PID1: variants seen among roughly 807,000 people sequenced by gnomAD.
PID1 encodes phosphotyrosine interaction domain containing 1, also known as PTB-containing, cubilin and LRP1-interacting protein.
Under a neutral mutation model 19.1 loss-of-function variants are expected in PID1, and 10 were observed. The ratio of observed to expected loss-of-function variants is 0.52; its 90% CI spans 0.32 to 0.89. The LOEUF is 0.89. Among genes scored for constraint, PID1 ranks in the 40% least tolerant of loss-of-function variants. The pLI, the probability that PID1 is intolerant of heterozygous loss-of-function variation, is 0.03. For missense variants in PID1, 248 were observed against 285.3 expected (o/e 0.87, Z 0.94); for synonymous variants, 130 against 116.0 (o/e 1.12, Z -0.78).
At position 229,269,579 on chromosome 2, in the gene PID1, C is replaced by T. The variant is rs548691525; in HGVS notation, c.30+1435G>A. The stretch of plus-strand genomic sequence containing the variant: ...ACTTGAACAGGAAACCTGCCAGCTC[C>T]CCTCAATCATTCTGCTCCTTTGGAA... On this transcript the variant is annotated intron_variant, in intron 1 of 2. Coordinates refer to ENST00000392055, the MANE Select transcript of PID1 (RefSeq NM_001100818.2). Among the ~76,000 whole-genome samples the T allele has an allele frequency of 2.0e-5, 3 of 152,352 alleles. No individual in the cohort carries two copies. The South Asian group carries it at 6.2e-4, about 32-fold the overall frequency.
intron 1 of PID1, among the ~76,000 whole-genome samples, chr2:229,220,624 C>A (rs952318983): frequency 6.6e-6 from 1 of 152,040 alleles, no homozygotes; most frequent in African/African-American, 2.4e-5. Context: ...TTCAGTCGGC[C>A]CCCCTGCACA....
At chr2:229,135,778 A>T (rs1164392377) in intron 2 of PID1, among the ~76,000 whole-genome samples, 1 of 152,196 alleles carries the variant, frequency 6.6e-6, no homozygotes, top group Non-Finnish European at 1.5e-5. Flanking sequence ...GAAGCTAAGG[A>T]CAGGCCATGT....
intron 1 of PID1, among the ~76,000 whole-genome samples, chr2:229,209,757 C>T (rs1455816270): frequency 6.6e-6 from 1 of 152,124 alleles, no homozygotes; most frequent in Non-Finnish European, 1.5e-5. Context: ...GAATGCTATT[C>T]TTTTTTCTCT....
chr2:229,158,865 A>G (rs963347993), intron 1 of PID1, among the ~76,000 whole-genome samples: 1 of 152,150 alleles, frequency 6.6e-6, no homozygotes, highest in Non-Finnish European at 1.5e-5. Context: ...TATTTGTGGG[A>G]TCTAAAAATA....
chr2:229,224,752 C>T (rs1304658982), intron 1 of PID1, among the ~76,000 whole-genome samples: 1 of 151,464 alleles, frequency 6.6e-6, no homozygotes, highest in African/African-American at 2.4e-5. Context: ...GGGGTTTTGG[C>T]TTAATTTAAT....
chr2:229,123,080 A>C (rs1277177879), intron 2 of PID1, among the ~76,000 whole-genome samples: 1 of 152,152 alleles, frequency 6.6e-6, no homozygotes, highest in African/African-American at 2.4e-5. Flanking sequence ...CTTTTAGTTT[A>C]CTTCCAGAGT....
At chr2:229,227,899 T>C in intron 1 of PID1, 1 of 447,718 alleles carries the variant, frequency 2.2e-6, no homozygotes, top group East Asian at 7.0e-5. Flanking sequence ...CTAGAGATGA[T>C]GGAAAATATA....
At position 229,213,674 on chromosome 2, in the gene PID1, C is replaced by A. The variant is rs1057167955; in HGVS notation, c.30+57340G>T. ...TTCTTTAAGTCATATATCCCTGTGCCTCTCAAAGGTAAACATTATATCTTC... is the reference window on the plus strand; with the variant it reads ...TTCTTTAAGTCATATATCCCTGTGCATCTCAAAGGTAAACATTATATCTTC... On this transcript the variant is annotated intron_variant, in intron 1 of 2. Transcript: ENST00000392055. Among the ~76,000 whole-genome samples the A allele has an allele frequency of 6.6e-5, 10 of 152,306 alleles. No individual in the cohort carries two copies. The East Asian group carries it at 1.7e-3, about 26-fold the overall frequency.
At chr2:229,233,306 T>C (rs879775175) in intron 1 of PID1, among the ~76,000 whole-genome samples, 8 of 152,094 alleles carry the variant, frequency 5.3e-5, no homozygotes, top group Non-Finnish European at 8.8e-5. Flanking sequence ...ATATATTTTG[T>C]AATATGAGAA....
chr2:229,032,815 T>C (rs1693583590), intron 2 of PID1, among the ~76,000 whole-genome samples: 1 of 152,194 alleles, frequency 6.6e-6, no homozygotes, highest in African/African-American at 2.4e-5. Context: ...TTGCAGTGTG[T>C]GTAAATGGAC....
intron 1 of PID1, among the ~76,000 whole-genome samples, chr2:229,261,334 T>C (rs1690457461): frequency 6.6e-6 from 1 of 152,194 alleles, no homozygotes; most frequent in African/African-American, 2.4e-5. Context: ...CAAGATTTTA[T>C]GTCCAAAAGC....
At chr2:229,053,586 G>C (rs1391964945) in intron 2 of PID1, among the ~76,000 whole-genome samples, 2 of 152,176 alleles carry the variant, frequency 1.3e-5, no homozygotes, top group African/African-American at 2.4e-5. Flanking sequence ...CAGCAAGCCC[G>C]AGGAACAGCC....
At chr2:229,180,881 C>T (rs1000973779) in intron 1 of PID1, among the ~76,000 whole-genome samples, 2 of 152,240 alleles carry the variant, frequency 1.3e-5, no homozygotes, top group African/African-American at 4.8e-5. Context: ...TCGCCCATCT[C>T]TCAGGACCGA....
At position 229,065,712 on chromosome 2, in the gene PID1, CAAAAA is replaced by C. The variant is rs71988256; in HGVS notation, c.178-39609_178-39605del. 2.3e-3 allele frequency among the ~76,000 whole-genome samples: 234 copies of C among 103,960 alleles called. 2 individuals are homozygous for C. Among genetic ancestry groups the C allele is most frequent in the African/African-American group, 8.0e-3 (201 of 25,104 alleles). 68.2% of individuals were successfully genotyped at this position (103,960 alleles called of 152,430 possible). A position where few individuals can be genotyped will look rare whatever the true frequency, so the allele number is the denominator to read the frequency against. ...CTACAAATGGGTCTTTTGTGATTTA[CAAAAA>C]AAAAAAAAAAAAAAACAGGTTGAAA... On this transcript the variant is annotated intron_variant, in intron 2 of 2. Coordinates refer to ENST00000392055, the MANE Select transcript of PID1 (RefSeq NM_001100818.2).
intron 2 of PID1, among the ~76,000 whole-genome samples, chr2:229,048,561 C>T (rs1693928944): frequency 6.6e-6 from 1 of 152,144 alleles, no homozygotes; most frequent in Non-Finnish European, 1.5e-5. Flanking sequence ...GTTCTTAAAA[C>T]TCCACTCAGG....
intron 2 of PID1, among the ~76,000 whole-genome samples, chr2:229,103,492 T>G (rs1695113696): frequency 6.6e-6 from 1 of 151,656 alleles, no homozygotes; most frequent in Admixed American, 6.6e-5. Context: ...AAATAAAGAC[T>G]CAACTGTGTT....
chr2:229,174,614 G>A (rs1056302763), intron 1 of PID1, among the ~76,000 whole-genome samples: 1 of 150,954 alleles, frequency 6.6e-6, no homozygotes, highest in African/African-American at 2.4e-5. Flanking sequence ...CCCATAAAAT[G>A]TCAGTACCAC....
intron 1 of PID1, among the ~76,000 whole-genome samples, chr2:229,178,811 G>A (rs910859520): frequency 1.3e-5 from 2 of 152,074 alleles, no homozygotes; most frequent in African/African-American, 4.8e-5. Context: ...TGTCTCTTGT[G>A]GTCTGGAGGA....
rs1043137450 is a variant in PID1 at position 229,074,071 on chromosome 2, C to T, written c.178-47963G>A. Among the ~76,000 whole-genome samples, 24 of 152,252 alleles carry T rather than the reference C, an allele frequency of 1.6e-4. 1 individual carries two copies. The South Asian group carries it at 2.3e-3, about 14-fold the overall frequency. On this transcript the variant is annotated intron_variant, in intron 2 of 2. Coordinates refer to ENST00000392055, the MANE Select transcript of PID1 (RefSeq NM_001100818.2). ...AGAAATCATTAAAGCATAAGTCAAACGGCTTACAAACTGACAAACTGTCAG... is the reference window on the plus strand; with the variant it reads ...AGAAATCATTAAAGCATAAGTCAAATGGCTTACAAACTGACAAACTGTCAG...
Sources: allele counts gnomAD v4.1 joint callset (sites outside exome capture counted in the v4.1 genomes callset), GRCh38; gene constraint gnomAD v4.1.1; transcripts MANE v1.5; gene names NCBI Gene and HGNC (gene_info 2026-07-23, HGNC 2026-07-21).